The following AKAP19 variants were observed in gnomAD, a reference collection of about 807,000 sequenced individuals.
AKAP19 encodes small A-kinase anchoring protein.
At chr2:190,067,901 T>A in the AKAP19 span, among the ~76,000 whole-genome samples, 1 of 152,118 alleles carries the variant, frequency 6.6e-6, no homozygotes, top group South Asian at 2.1e-4. Flanking sequence ...ATTTTTTCTA[T>A]TGAAAAAAAG....
the AKAP19 span, among the ~76,000 whole-genome samples, chr2:190,013,137 A>T: frequency 6.6e-6 from 1 of 152,222 alleles, no homozygotes; most frequent in Non-Finnish European, 1.5e-5. Context: ...AAAGAGTTTG[A>T]AAATAATCCA....
At chr2:189,942,016 A>T in the AKAP19 span, among the ~76,000 whole-genome samples, 1 of 152,172 alleles carries the variant, frequency 6.6e-6, no homozygotes, top group Admixed American at 6.5e-5. Flanking sequence ...GGGGGAGCTA[A>T]ATTTAGATAA....
At chr2:189,936,236 A>C in the AKAP19 span, among the ~76,000 whole-genome samples, 1 of 148,212 alleles carries the variant, frequency 6.7e-6, no homozygotes, top group Non-Finnish European at 1.5e-5. Context: ...CATAGACTTG[A>C]ATGACTCTGT....
At chr2:190,039,815 C>T in the AKAP19 span, among the ~76,000 whole-genome samples, 1 of 152,132 alleles carries the variant, frequency 6.6e-6, no homozygotes, top group Non-Finnish European at 1.5e-5. Context: ...GGATAACAGC[C>T]TCCAGCTCCA....
At chr2:190,095,306 T>C in the AKAP19 span, among the ~76,000 whole-genome samples, 11 of 152,296 alleles carry the variant, frequency 7.2e-5, no homozygotes, top group African/African-American at 2.6e-4. Flanking sequence ...AAAATACCTT[T>C]GGTAATATCA....
the AKAP19 span, among the ~76,000 whole-genome samples, chr2:190,127,285 A>T: frequency 6.6e-6 from 1 of 152,034 alleles, no homozygotes; most frequent in Non-Finnish European, 1.5e-5. Context: ...ATGAATGCTC[A>T]TATATCGGTG....
chr2:189,923,268 C>T, the AKAP19 span: 2 of 1,482,680 alleles, frequency 1.3e-6, no homozygotes, highest in Non-Finnish European at 1.9e-6. Flanking sequence ...GTAGGAGACT[C>T]AGAATCGAAT....
the AKAP19 span, among the ~76,000 whole-genome samples, chr2:190,077,791 A>G: frequency 6.6e-6 from 1 of 152,212 alleles, no homozygotes. Flanking sequence ...TTGTAGATCA[A>G]GTTAATGTTT....
At chr2:190,093,144 C>T in the AKAP19 span, among the ~76,000 whole-genome samples, 8 of 152,116 alleles carry the variant, frequency 5.3e-5, no homozygotes, top group East Asian at 1.9e-4. Flanking sequence ...TAATTAAGGC[C>T]GGGCATGGTG....
chr2:190,016,821 C>A, the AKAP19 span, among the ~76,000 whole-genome samples: 1 of 152,110 alleles, frequency 6.6e-6, no homozygotes, highest in Non-Finnish European at 1.5e-5. Context: ...AAATGTAGTT[C>A]AAGTTCAATA....
At chr2:190,057,767 C>A in the AKAP19 span, 1 of 946,112 alleles carries the variant, frequency 1.1e-6, no homozygotes, top group Non-Finnish European at 1.6e-6. Context: ...TTTTAAAAGG[C>A]ACAGCATTAA....
At chr2:189,896,579 A>C in the AKAP19 span, among the ~76,000 whole-genome samples, 1 of 152,146 alleles carries the variant, frequency 6.6e-6, no homozygotes, top group Admixed American at 6.5e-5. Flanking sequence ...GTTAAAGGAA[A>C]AGGAATCAGA....
the AKAP19 span, among the ~76,000 whole-genome samples, chr2:189,896,008 C>CA: frequency 6.9e-4 from 81 of 117,956 alleles, 1 homozygote; most frequent in African/African-American, 1.9e-3. Flanking sequence ...GACCCTGTCT[C>CA]AAAAAAAAAA....
chr2:189,917,081 G>T, the AKAP19 span, among the ~76,000 whole-genome samples: 1 of 152,090 alleles, frequency 6.6e-6, no homozygotes, highest in Non-Finnish European at 1.5e-5. Context: ...AGAATATAAT[G>T]ATAACATATA....
At chr2:190,194,477 T>TACATAC in the AKAP19 span, among the ~76,000 whole-genome samples, 1 of 141,370 alleles carries the variant, frequency 7.1e-6, no homozygotes, top group Non-Finnish European at 1.5e-5. Context: ...ATCCTGTGTA[T>TACATAC]ACACACACAC....
the AKAP19 span, among the ~76,000 whole-genome samples, chr2:190,174,366 G>A: frequency 7.5e-3 from 1,145 of 152,240 alleles, 14 homozygotes; most frequent in African/African-American, 0.025. Flanking sequence ...TCAGAGCAGC[G>A]CAGATTAAAT....
At chr2:190,196,203 TC>T in the AKAP19 span, among the ~76,000 whole-genome samples, 1 of 152,098 alleles carries the variant, frequency 6.6e-6, no homozygotes, top group Non-Finnish European at 1.5e-5. Flanking sequence ...ATTCCTTTCC[TC>T]ATAAGTCATA....
the AKAP19 span, among the ~76,000 whole-genome samples, chr2:190,158,497 T>C: frequency 6.6e-6 from 1 of 152,218 alleles, no homozygotes; most frequent in African/African-American, 2.4e-5. Context: ...AATTTATATA[T>C]AGATTCTATG....
chr2:190,086,428 C>T, the AKAP19 span, among the ~76,000 whole-genome samples: 1 of 152,108 alleles, frequency 6.6e-6, no homozygotes, highest in Admixed American at 6.6e-5. Context: ...ACTTCCAGAC[C>T]CTGACCTATT....
Sources: gnomAD v4.1 joint callset for allele counts (sites outside exome capture counted in the v4.1 genomes callset) on GRCh38, gnomAD v4.1.1 for gene constraint, MANE v1.5 for transcripts, NCBI Gene and HGNC (gene_info 2026-07-23, HGNC 2026-07-21) for gene names.